Variants in TMPRSS15 observed in about 807,000 individuals in gnomAD.
TMPRSS15 encodes the protein transmembrane serine protease 15, also known as enteropeptidase.
In TMPRSS15, 128 loss-of-function variants were observed where a neutral mutation model predicts 125.3. The observed-to-expected ratio is 1.02, with a 90% CI of 0.89 to 1.18. TMPRSS15 has a LOEUF of 1.18. TMPRSS15 is among the 50% of genes most tolerant of loss of function. TMPRSS15 has a pLI of 0.00. For missense variants in TMPRSS15, 1,283 were observed against 1,212.7 expected (o/e 1.06, Z -0.86); for synonymous variants, 446 against 423.2 (o/e 1.05, Z -0.66).
rs1214570784 is a variant in TMPRSS15 at position 18,300,137 on chromosome 21, C to T, written c.2166-2308G>A. On this transcript the variant is annotated intron_variant, in intron 18 of 24. Transcript: ENST00000284885. Reference sequence around the variant, plus strand: ...TAGCTCGTCTCTTGGATATATCCCCCGTCTCTTGGATATCTCTTTTAAGAC... The same window carrying T: ...TAGCTCGTCTCTTGGATATATCCCCTGTCTCTTGGATATCTCTTTTAAGAC... Among the ~76,000 whole-genome samples, 5 of 137,272 alleles carry T rather than the reference C, an allele frequency of 3.6e-5. No individual in the cohort carries two copies. The South Asian group carries it at 6.9e-4, about 19-fold the overall frequency. The allele number at this position is 137,272 out of a possible 152,430, so 90.1% of individuals were successfully genotyped here.
At chr21:18,294,722 T>C in intron 19 of TMPRSS15, 70 bp from the exon 20 acceptor site, 1 of 1,354,682 alleles carries the variant, frequency 7.4e-7, no homozygotes, top group East Asian at 2.3e-5. Flanking sequence ...ATCATATAGG[T>C]TATCCTACTT....
chr21:18,387,333 G>A (rs965167490), intron 3 of TMPRSS15, among the ~76,000 whole-genome samples: 2 of 152,104 alleles, frequency 1.3e-5, no homozygotes, highest in Non-Finnish European at 2.9e-5. Context: ...GTATAATAGA[G>A]CAAAATATTA....
At chr21:18,332,321 G>T in intron 13 of TMPRSS15, 148 bp from the exon 14 acceptor site, 1 of 708,572 alleles carries the variant, frequency 1.4e-6, no homozygotes, top group Non-Finnish European at 2.5e-6. Context: ...AAATGCTGCA[G>T]TTTAAGTAAA....
At chr21:18,310,935 T>G (rs1450058974) in intron 18 of TMPRSS15, among the ~76,000 whole-genome samples, 1 of 31,208 alleles carries the variant, frequency 3.2e-5, no homozygotes, top group Non-Finnish European at 8.3e-5. Context: ...CACTGATTCT[T>G]TTTTTTTTTT....
chr21:18,358,721 T>C (rs2075650304), intron 8 of TMPRSS15, among the ~76,000 whole-genome samples: 2 of 152,026 alleles, frequency 1.3e-5, no homozygotes, highest in Admixed American at 6.6e-5. Context: ...CATTTTACTG[T>C]TCTGTAAAAC....
At chr21:18,446,873 ATGTT>A (rs1292970014) in intron 1 of TMPRSS15, among the ~76,000 whole-genome samples, 5 of 147,720 alleles carry the variant, frequency 3.4e-5, no homozygotes, top group East Asian at 2.1e-4. Context: ...GGTTTAGGCA[ATGTT>A]TGTTTGTTTG....
intron 1 of TMPRSS15, among the ~76,000 whole-genome samples, chr21:18,464,588 A>T (rs931218694): frequency 6.6e-6 from 1 of 152,164 alleles, no homozygotes; most frequent in African/African-American, 2.4e-5. Context: ...ATCACCACCA[A>T]CCCCATAGAA....
chr21:18,335,161 A>T (rs1311712919), intron 13 of TMPRSS15, among the ~76,000 whole-genome samples: 1 of 152,232 alleles, frequency 6.6e-6, no homozygotes, highest in African/African-American at 2.4e-5. Flanking sequence ...AACCTTAATG[A>T]GACCAGTGAA....
At chr21:18,372,369 A>G (rs747524730) in intron 5 of TMPRSS15, 45 bp from the exon 6 acceptor site, 1 of 1,591,480 alleles carries the variant, frequency 6.3e-7, no homozygotes, top group Non-Finnish European at 8.6e-7. Flanking sequence ...TGAGATATGT[A>G]CAATGTTTAA....
chr21:18,384,703 C>A (rs1328925355), intron 3 of TMPRSS15, among the ~76,000 whole-genome samples: 2 of 152,132 alleles, frequency 1.3e-5, no homozygotes, highest in Non-Finnish European at 1.5e-5. Flanking sequence ...AAACTCTAGG[C>A]ACTCACGGTA....
intron 10 of TMPRSS15, among the ~76,000 whole-genome samples, chr21:18,348,149 T>C (rs2075528746): frequency 6.6e-6 from 1 of 151,700 alleles, no homozygotes; most frequent in African/African-American, 2.4e-5. Flanking sequence ...TATGCCACTG[T>C]ACTCCAGTCT....
chr21:18,467,624 G>A (rs1451538116), intron 1 of TMPRSS15, among the ~76,000 whole-genome samples: 1 of 151,906 alleles, frequency 6.6e-6, no homozygotes, highest in East Asian at 1.9e-4. Context: ...TTAGGGAAGA[G>A]ATGAAAAGGG....
At chr21:18,327,681 T>A (rs1373830929) in intron 15 of TMPRSS15, among the ~76,000 whole-genome samples, 1 of 152,194 alleles carries the variant, frequency 6.6e-6, no homozygotes, top group Non-Finnish European at 1.5e-5. Flanking sequence ...GATCAGATTT[T>A]ACAATACATG....
rs753642659 is a variant in TMPRSS15, at chr21:18,403,561, A to C, written c.62T>G (p.Phe21Cys). The C allele has an allele frequency of 6.2e-7, 1 of 1,614,074 alleles. No individual in the cohort carries two copies. Among genetic ancestry groups the C allele is most frequent in the African/African-American group, 1.3e-5 (1 of 74,942 alleles). The change falls in exon 1 of 25, where the codon TTT becomes TGT. Residue 21 changes from phenylalanine to cysteine, a missense_variant. Transcript: ENST00000284885. ...TACCAATATGGCAAAGAGAGCTGCAAACATGATTTCATAGGAGCTGAGAGA... is the reference window on the plus strand; with the variant it reads ...TACCAATATGGCAAAGAGAGCTGCACACATGATTTCATAGGAGCTGAGAGA... ...HHSLSSYEIM[F>C]AALFAILVVL...
intron 1 of TMPRSS15, among the ~76,000 whole-genome samples, chr21:18,418,572 C>T (rs1480196269): frequency 6.6e-6 from 1 of 151,858 alleles, no homozygotes; most frequent in Non-Finnish European, 1.5e-5. Context: ...GAAAATGTTA[C>T]CCCCCCAATC....
At chr21:18,421,307 A>G (rs951064965) in intron 1 of TMPRSS15, among the ~76,000 whole-genome samples, 4 of 152,178 alleles carry the variant, frequency 2.6e-5, no homozygotes, top group African/African-American at 9.7e-5. Flanking sequence ...GGCAGTTTGC[A>G]TAGAGGTTGA....
At chr21:18,334,233 A>T (rs2075370556) in intron 13 of TMPRSS15, among the ~76,000 whole-genome samples, 1 of 152,234 alleles carries the variant, frequency 6.6e-6, no homozygotes, top group Admixed American at 6.5e-5. Flanking sequence ...ATGATGGGAC[A>T]GGAAGGCAAT....
intron 21 of TMPRSS15, among the ~76,000 whole-genome samples, chr21:18,287,264 G>A (rs1385107491): frequency 6.6e-6 from 1 of 152,106 alleles, no homozygotes; most frequent in African/African-American, 2.4e-5. Flanking sequence ...ATAAAAAACA[G>A]TAAGCAATCC....
In TMPRSS15 at chr21:18,312,997, C is replaced by T. The variant is rs2075117342; in HGVS notation, c.2113G>A (p.Glu705Lys). The T allele has an allele frequency of 6.2e-7, 1 of 1,614,044 alleles. No homozygotes were observed. Among genetic ancestry groups the T allele is most frequent in the Non-Finnish European group, 8.5e-7 (1 of 1,179,952 alleles). ...IQSIWHTACA[E>K]NWTTQISNDV... ...TTTGAAATCTGGGTGGTCCAGTTCT[C>T]AGCACAAGCTGTATGCCATATGCTC... is the stretch of plus-strand genomic sequence containing the variant. Residue 705 changes from glutamate to lysine, a missense_variant, in exon 18 of 25, where the codon GAG becomes AAG. Physicochemically the swap from Glu to Lys is moderately conservative, Grantham distance 56. Transcript: ENST00000284885.
Sources: allele counts gnomAD v4.1 joint callset (sites outside exome capture counted in the v4.1 genomes callset), GRCh38; gene constraint gnomAD v4.1.1; transcripts MANE v1.5; gene names NCBI Gene and HGNC (gene_info 2026-07-23, HGNC 2026-07-21).